DTNA: variants seen among roughly 807,000 people sequenced by gnomAD.
DTNA encodes the protein dystrophin-related protein 3.
A neutral mutation model predicts 100.7 loss-of-function variants in DTNA; 43 were observed. That is an observed-to-expected ratio of 0.43 (90% CI 0.33 to 0.55). The LOEUF (loss-of-function observed/expected upper bound fraction) is 0.55. DTNA is among the 20% of genes least tolerant of loss of function. DTNA has a pLI of 0.04. For synonymous variants in DTNA, 349 were observed against 347.9 expected (o/e 1.00, Z -0.04); for missense variants, 798 against 953.9 (o/e 0.84, Z 2.15).
At position 34,890,314 on chromosome 18, in the gene DTNA, T is replaced by G. The variant is rs1246416664; in HGVS notation, c.*2580T>G. Reference sequence around the variant, plus strand: ...CTCTCTCTTAGCTCCACGTCAGCACTGAGACCAGACTCGAGCACCCCTGTC... The same window carrying G: ...CTCTCTCTTAGCTCCACGTCAGCACGGAGACCAGACTCGAGCACCCCTGTC... On this transcript the variant is annotated 3_prime_UTR_variant, in exon 23 of 23. Transcript: ENST00000444659. The G allele has an allele frequency of 8.5e-6, 13 of 1,535,972 alleles. No homozygotes were observed. Among genetic ancestry groups the G allele is most frequent in the Non-Finnish European group, 1.1e-5 (13 of 1,146,882 alleles).
intron 1 of DTNA, among the ~76,000 whole-genome samples, chr18:34,506,496 G>A (rs891626699): frequency 6.6e-6 from 1 of 152,206 alleles, no homozygotes; most frequent in Admixed American, 6.5e-5. Context: ...CACACAGCTT[G>A]TGTTGGCATA....
Position 34,812,160 on chromosome 18 carries a change from T to TGCTC in DTNA, c.603+48_603+51dup, listed in dbSNP as rs755902084. 3.8e-5 allele frequency: 61 copies of TGCTC among 1,612,346 alleles called. 2 individuals carry two copies. The highest frequency in any genetic ancestry group is 3.3e-4 in the East Asian group (15 of 44,842). The stretch of plus-strand genomic sequence containing the variant: ...GGAAGTATCTCTTTCAAACAGTGGT[T>TGCTC]GCTCTCCTTCTAGATGTCATTCCAG... On this transcript the variant is annotated intron_variant, in intron 6 of 22. Coordinates refer to ENST00000444659, the MANE Select transcript of DTNA (RefSeq NM_001386795.1).
intron 1 of DTNA, among the ~76,000 whole-genome samples, chr18:34,533,735 A>G (rs1027779928): frequency 6.6e-6 from 1 of 152,158 alleles, no homozygotes; most frequent in Non-Finnish European, 1.5e-5. Context: ...TAAACCATAC[A>G]AGAAACAAAA....
chr18:34,852,001 A>C (rs2096486267), intron 15 of DTNA, 73 bp downstream of exon 15: 2 of 1,483,000 alleles, frequency 1.3e-6, no homozygotes, highest in Non-Finnish European at 1.9e-6. Context: ...TCGTGCTTTA[A>C]AGTTTCAGGG....
chr18:34,798,906 G>A lies in DTNA; in HGVS notation c.362+4656G>A, dbSNP rs1220989195. Among the ~76,000 whole-genome samples the A allele has an allele frequency of 3.9e-5, 6 of 152,008 alleles. No individual in the cohort carries two copies. In the East Asian group the frequency reaches 9.7e-4, roughly 24 times the overall value. ...CATCATACTAAATGAGGTAAATGAG[G>A]GAAAACTCATTTTGTTTCAGGAACT... On this transcript the variant is annotated intron_variant, in intron 4 of 22. Transcript: ENST00000444659.
chr18:34,702,368 C>T (rs1358005408), intron 1 of DTNA, among the ~76,000 whole-genome samples: 1 of 152,154 alleles, frequency 6.6e-6, no homozygotes, highest in African/African-American at 2.4e-5. Flanking sequence ...AAAATCTTCA[C>T]AATAACAGAG....
In DTNA at chr18:34,786,708, A is replaced by G. The variant is rs545270642; in HGVS notation, c.149-7329A>G. ...AATAGCAGATCAACAGATTATATCC[A>G]ATTTCCAGCATAACTACAATTTCCT... On this transcript the variant is annotated intron_variant, in intron 3 of 22. Coordinates refer to ENST00000444659, the MANE Select transcript of DTNA (RefSeq NM_001386795.1). 2.0e-5 allele frequency among the ~76,000 whole-genome samples: 3 copies of G among 152,290 alleles called. No homozygotes were observed. The East Asian group carries it at 5.8e-4, about 29-fold the overall frequency.
intron 1 of DTNA, among the ~76,000 whole-genome samples, chr18:34,703,036 T>C (rs2081593647): frequency 6.6e-6 from 1 of 152,196 alleles, no homozygotes; most frequent in African/African-American, 2.4e-5. Flanking sequence ...TCATAAAGTC[T>C]GAAACAGATA....
intron 1 of DTNA, among the ~76,000 whole-genome samples, chr18:34,640,538 C>T (rs1463259189): frequency 6.6e-5 from 10 of 152,226 alleles, no homozygotes; most frequent in Non-Finnish European, 7.3e-5. Flanking sequence ...CATTCGTTCA[C>T]TTATTTGTTC....
At chr18:34,587,374 GTCTC>G (rs2049251272) in intron 1 of DTNA, among the ~76,000 whole-genome samples, 1 of 151,956 alleles carries the variant, frequency 6.6e-6, no homozygotes, top group Admixed American at 6.6e-5. Flanking sequence ...TCCTTAGTCA[GTCTC>G]TCTCTTTCAT....
At chr18:34,551,906 C>T (rs1167877475) in intron 1 of DTNA, among the ~76,000 whole-genome samples, 1 of 152,116 alleles carries the variant, frequency 6.6e-6, no homozygotes, top group Non-Finnish European at 1.5e-5. Flanking sequence ...ATTTATGTGT[C>T]AGTGGCTCTC....
At chr18:34,500,934 T>C (rs1303050330) in intron 1 of DTNA, among the ~76,000 whole-genome samples, 1 of 152,232 alleles carries the variant, frequency 6.6e-6, no homozygotes, top group Non-Finnish European at 1.5e-5. Flanking sequence ...ATTTATAATC[T>C]ATATGCCTTT....
chr18:34,541,465 G>A (rs1416422614), intron 1 of DTNA, among the ~76,000 whole-genome samples: 2 of 151,996 alleles, frequency 1.3e-5, no homozygotes, highest in African/African-American at 2.4e-5. Flanking sequence ...TCTTGATTGT[G>A]AATAAGTCTC....
At chr18:34,777,786 C>A (rs560037702) in intron 3 of DTNA, among the ~76,000 whole-genome samples, 3 of 152,204 alleles carry the variant, frequency 2.0e-5, no homozygotes, top group Non-Finnish European at 4.4e-5. Flanking sequence ...GATCCAATCG[C>A]CTCCCTCACT....
intron 1 of DTNA, among the ~76,000 whole-genome samples, chr18:34,540,554 C>T (rs796707303): frequency 6.3e-4 from 96 of 151,952 alleles, no homozygotes; most frequent in African/African-American, 2.0e-3. Flanking sequence ...ATCTCTTCAA[C>T]GTACACATTA....
chr18:34,841,841 T>G (rs2096274073), intron 13 of DTNA, among the ~76,000 whole-genome samples: 1 of 152,134 alleles, frequency 6.6e-6, no homozygotes, highest in Non-Finnish European at 1.5e-5. Flanking sequence ...TAACTCTGTG[T>G]GGGGGTCTTC....
chr18:34,806,904 G>A (rs951249071), intron 5 of DTNA, among the ~76,000 whole-genome samples: 2 of 151,122 alleles, frequency 1.3e-5, no homozygotes, highest in Non-Finnish European at 2.9e-5. Flanking sequence ...CTTAACCAAC[G>A]ACACACTGGG....
chr18:34,809,321 G>T (rs763579398), intron 5 of DTNA, among the ~76,000 whole-genome samples: 3 of 152,118 alleles, frequency 2.0e-5, no homozygotes, highest in Non-Finnish European at 2.9e-5. Flanking sequence ...GCCAGGCATG[G>T]TGGCACATGC....
chr18:34,583,390 AG>A (rs1183551114), intron 1 of DTNA, among the ~76,000 whole-genome samples: 2 of 152,142 alleles, frequency 1.3e-5, no homozygotes, highest in Admixed American at 1.3e-4. Context: ...GAGATGTTTG[AG>A]AATTTGTTCC....
Sources: gnomAD v4.1 joint callset for allele counts (sites outside exome capture counted in the v4.1 genomes callset) on GRCh38, gnomAD v4.1.1 for gene constraint, MANE v1.5 for transcripts, NCBI Gene and HGNC (gene_info 2026-07-23, HGNC 2026-07-21) for gene names.